Variants in MAGI1 observed in about 807,000 individuals in gnomAD.
MAGI1 encodes the protein membrane associated guanylate kinase, WW and PDZ domain containing 1.
Under a neutral mutation model 139.9 loss-of-function variants are expected in MAGI1, and 58 were observed. That is an observed-to-expected ratio of 0.41 (90% CI 0.34 to 0.52). The LOEUF is 0.52. Ranked by LOEUF, MAGI1 falls within the 20% of genes least tolerant of loss-of-function variation. MAGI1 has a pLI of 0.12. For missense variants in MAGI1, 1,874 were observed against 1,901.6 expected (o/e 0.99, Z 0.27); for synonymous variants, 812 against 737.9 (o/e 1.10, Z -1.63).
chr3:65,966,131 T>C (rs1392570537), intron 1 of MAGI1, among the ~76,000 whole-genome samples: 2 of 152,194 alleles, frequency 1.3e-5, no homozygotes, highest in African/African-American at 4.8e-5. Context: ...TCCCACAAAA[T>C]ATTTTGGACA....
rs965032947 is a variant in MAGI1, at chr3:65,503,694, A to G, written c.431-10063T>C. On this transcript the variant is annotated intron_variant, in intron 2 of 22. Transcript: ENST00000402939. ...TCTCGTTTTAAAAACCACACCTACA[A>G]TACTTGAAATAAATAAGGACTTGGC... Among the ~76,000 whole-genome samples the G allele has an allele frequency of 2.6e-5, 4 of 152,216 alleles. No homozygotes were observed. In the South Asian group the frequency reaches 8.3e-4, roughly 31 times the overall value.
At chr3:65,678,218 G>A (rs2087324652) in intron 1 of MAGI1, among the ~76,000 whole-genome samples, 1 of 152,112 alleles carries the variant, frequency 6.6e-6, no homozygotes, top group Admixed American at 6.5e-5. Flanking sequence ...AATACCTAAT[G>A]TAGATGACGG....
chr3:65,462,711 T>C (rs1949892353), intron 5 of MAGI1, among the ~76,000 whole-genome samples: 1 of 152,232 alleles, frequency 6.6e-6, no homozygotes, highest in African/African-American at 2.4e-5. Context: ...CTTTGGGCAG[T>C]ATGGCCATTT....
chr3:65,683,111 C>A (rs551494007), intron 1 of MAGI1, among the ~76,000 whole-genome samples: 3 of 152,194 alleles, frequency 2.0e-5, no homozygotes, highest in South Asian at 2.1e-4. Context: ...TTGCTTGCTG[C>A]TGCTCACCTC....
At chr3:65,400,765 T>A in intron 13 of MAGI1, among the ~76,000 whole-genome samples, 1 of 101,426 alleles carries the variant, frequency 9.9e-6, no homozygotes, top group African/African-American at 3.9e-5. Context: ...TTTTTTTTTT[T>A]TTTTTTTTTT....
At chr3:65,610,785 A>G (rs1366359159) in intron 2 of MAGI1, among the ~76,000 whole-genome samples, 1 of 130,392 alleles carries the variant, frequency 7.7e-6, no homozygotes, top group African/African-American at 2.9e-5. Flanking sequence ...TACTGTATAT[A>G]GTATATATAG....
At chr3:65,516,399 C>T (rs1046725406) in intron 2 of MAGI1, among the ~76,000 whole-genome samples, 1 of 152,046 alleles carries the variant, frequency 6.6e-6, no homozygotes, top group African/African-American at 2.4e-5. Flanking sequence ...AGGATGGTCT[C>T]GATCTCTTGA....
intron 1 of MAGI1, among the ~76,000 whole-genome samples, chr3:65,819,671 G>A (rs191224886): frequency 4.9e-4 from 74 of 151,978 alleles, no homozygotes; most frequent in Middle Eastern, 6.8e-3. Flanking sequence ...GAGGTCAAGA[G>A]ATCGAGACCA....
chr3:65,707,689 CAAAAAAAA>C (rs57489811), intron 1 of MAGI1, among the ~76,000 whole-genome samples: 3 of 88,148 alleles, frequency 3.4e-5, no homozygotes, highest in African/African-American at 1.3e-4. Context: ...TACCCTATCT[CAAAAAAAA>C]AAAAAAAAAA....
chr3:65,760,272 T>A (rs1206849858), intron 1 of MAGI1, among the ~76,000 whole-genome samples: 1 of 151,964 alleles, frequency 6.6e-6, no homozygotes, highest in Non-Finnish European at 1.5e-5. Flanking sequence ...ACACACTAGA[T>A]ACTGCTCTAA....
At chr3:65,979,944 C>T (rs1034272578) in intron 1 of MAGI1, among the ~76,000 whole-genome samples, 1 of 152,150 alleles carries the variant, frequency 6.6e-6, no homozygotes, top group Non-Finnish European at 1.5e-5. Flanking sequence ...TAAAGAGGAA[C>T]TGGCCTCTAG....
chr3:65,656,142 G>A (rs927743655), intron 1 of MAGI1, among the ~76,000 whole-genome samples: 3 of 151,534 alleles, frequency 2.0e-5, no homozygotes, highest in African/African-American at 7.3e-5. Flanking sequence ...GAAAAATTAA[G>A]TTTCAGAAGT....
At chr3:65,373,758 G>T (rs1461796807) in intron 18 of MAGI1, among the ~76,000 whole-genome samples, 2 of 152,134 alleles carry the variant, frequency 1.3e-5, no homozygotes, top group Non-Finnish European at 2.9e-5. Context: ...GTGGTGAATT[G>T]GTGGAATGAA....
At chr3:65,514,707 G>C (rs1045843089) in intron 2 of MAGI1, among the ~76,000 whole-genome samples, 1 of 145,726 alleles carries the variant, frequency 6.9e-6, no homozygotes, top group African/African-American at 2.6e-5. Context: ...TTACACTGTT[G>C]GTGGGACTGT....
intron 1 of MAGI1, among the ~76,000 whole-genome samples, chr3:65,863,777 T>C (rs549673738): frequency 1.1e-4 from 16 of 152,306 alleles, no homozygotes; most frequent in African/African-American, 3.8e-4. Context: ...ACATAAATTA[T>C]GGCATATCCA....
intron 2 of MAGI1, among the ~76,000 whole-genome samples, chr3:65,574,976 A>G (rs1477462021): frequency 6.6e-6 from 1 of 152,124 alleles, no homozygotes; most frequent in Non-Finnish European, 1.5e-5. Flanking sequence ...TAAAACTTAT[A>G]GAAGAAAACT....
chr3:65,862,095 C>T (rs951859816), intron 1 of MAGI1, among the ~76,000 whole-genome samples: 11 of 152,132 alleles, frequency 7.2e-5, no homozygotes, highest in African/African-American at 2.7e-4. Context: ...TCATGTAAGA[C>T]ATGGTTCTTT....
chr3:65,637,564 G>GAAAGAAAGAAAGAAAGAAAGAAAC (rs1559743480), intron 1 of MAGI1, among the ~76,000 whole-genome samples: 11 of 78,026 alleles, frequency 1.4e-4, no homozygotes, highest in Admixed American at 4.2e-4. Context: ...AAAAAAGAAA[G>GAAAGAAAGAAAGAAAGAAAGAAAC]AAAGAAAGAA....
intron 1 of MAGI1, among the ~76,000 whole-genome samples, chr3:65,955,843 T>C (rs931860998): frequency 6.6e-6 from 1 of 151,982 alleles, no homozygotes; most frequent in Non-Finnish European, 1.5e-5. Flanking sequence ...CCAGTCACAA[T>C]ATTTACCCAT....
Sources: allele counts gnomAD v4.1 joint callset (sites outside exome capture counted in the v4.1 genomes callset), GRCh38; gene constraint gnomAD v4.1.1; transcripts MANE v1.5; gene names NCBI Gene and HGNC (gene_info 2026-07-23, HGNC 2026-07-21).